Variants in FNBP1 observed in about 807,000 individuals in gnomAD.
The protein encoded by FNBP1 is formin binding protein 1, also known as formin-binding protein 1.
FNBP1 carries 26 observed loss-of-function variants against 90.6 expected under a neutral mutation model. That is an observed-to-expected ratio of 0.29 (90% CI 0.21 to 0.40). The LOEUF (loss-of-function observed/expected upper bound fraction) is 0.40, where lower values mean the gene tolerates loss of function less well. FNBP1 is among the 10% of genes least tolerant of loss of function. FNBP1 has a pLI of 1.00. For synonymous variants in FNBP1, 260 were observed against 265.2 expected (o/e 0.98, Z 0.19); for missense variants, 635 against 768.0 (o/e 0.83, Z 2.05).
intron 11 of FNBP1, among the ~76,000 whole-genome samples, chr9:129,909,686 C>T (rs555755079): frequency 2.0e-5 from 3 of 152,016 alleles, no homozygotes; most frequent in East Asian, 1.9e-4. Flanking sequence ...TGCAGTGGTG[C>T]GATCTCAGCT....
intron 1 of FNBP1, among the ~76,000 whole-genome samples, chr9:130,038,066 T>C (rs1427361879): frequency 1.3e-5 from 2 of 152,144 alleles, no homozygotes; most frequent in South Asian, 2.1e-4. Flanking sequence ...AAAAATTACA[T>C]ACAGTCGGCC....
chr9:129,916,037 A>C, intron 10 of FNBP1, 57 bp from the exon 11 acceptor site: 1 of 1,310,144 alleles, frequency 7.6e-7, no homozygotes, highest in Non-Finnish European at 1.1e-6. Context: ...AGAGAGAAAG[A>C]GAAAAAAAAA....
chr9:129,978,752 C>T (rs1032704707), intron 3 of FNBP1, 140 bp from the exon 4 acceptor site: 9 of 776,592 alleles, frequency 1.2e-5, no homozygotes, highest in Middle Eastern at 5.0e-4. Context: ...CATTACACAT[C>T]AAGTGTTCTC....
the FNBP1 span, among the ~76,000 whole-genome samples, chr9:130,048,314 CA>C: frequency 0.013 from 680 of 50,522 alleles, no homozygotes; most frequent in East Asian, 0.019. Context: ...GACTCCATCT[CA>C]AAAAAAAAAA....
Position 129,979,305 on chromosome 9 carries a change from A to G in FNBP1, c.197+13T>C, listed in dbSNP as rs760030855. On this transcript the variant is annotated intron_variant, in intron 3 of 16. Transcript: ENST00000446176. ...TGTGTCTATTACAAGACAATTTTCA[A>G]TGGTAAACATACTTGTATTCTTCTT... is the stretch of plus-strand genomic sequence containing the variant. 6 of 1,553,668 alleles carry G rather than the reference A, an allele frequency of 3.9e-6. No individual in the cohort carries two copies. The highest frequency in any genetic ancestry group is 5.3e-6 in the Non-Finnish European group (6 of 1,127,504).
In FNBP1 at chr9:129,888,922, G is replaced by A. The variant is rs2034895656; in HGVS notation, c.*1617C>T. 8.6e-6 allele frequency: 2 copies of A among 231,814 alleles called. No homozygotes were observed. Among genetic ancestry groups the A allele is most frequent in the Non-Finnish European group, 8.5e-6 (1 of 117,312 alleles). 14.4% of individuals were successfully genotyped at this position (231,814 alleles called of 1,614,324 possible). A position where few individuals can be genotyped will look rare whatever the true frequency, so the allele number is the denominator to read the frequency against. On this transcript the variant is annotated 3_prime_UTR_variant, in exon 17 of 17. Transcript: ENST00000446176. ...GCAAGAGGAACTGAGGATGCTTGAGGGGACCACCTAGTTACCAAAGCCAAG... is the reference window on the plus strand; with the variant it reads ...GCAAGAGGAACTGAGGATGCTTGAGAGGACCACCTAGTTACCAAAGCCAAG...
intron 12 of FNBP1, among the ~76,000 whole-genome samples, chr9:129,907,378 A>G (rs1447382026): frequency 6.6e-6 from 1 of 152,224 alleles, no homozygotes; most frequent in African/African-American, 2.4e-5. Flanking sequence ...CACGGTTCCA[A>G]GCATGTTATG....
In FNBP1 at chr9:129,887,210, A is replaced by G. The variant is rs2034807676; in HGVS notation, c.*3329T>C. 1 of 180,182 alleles carries G rather than the reference A, an allele frequency of 5.5e-6. No individual in the cohort carries two copies. The allele number at this position is 180,182 out of a possible 1,614,324, so 11.2% of individuals were successfully genotyped here. ...GCCACAAGTTATATTTTATTTTAAC[A>G]CGAGATTAACATATAGTTACAAGGT... On this transcript the variant is annotated 3_prime_UTR_variant, in exon 17 of 17. Transcript: ENST00000446176.
At chr9:129,908,749 C>T in intron 12 of FNBP1, 141 bp downstream of exon 12, 1 of 572,452 alleles carries the variant, frequency 1.7e-6, no homozygotes, top group South Asian at 2.0e-5. Context: ...GACGGGGTTT[C>T]ACCATGTAGG....
At position 130,043,018 on chromosome 9, in the gene FNBP1, C is replaced by T. The variant is rs2059981895; in HGVS notation, c.-43G>A. On this transcript the variant is annotated 5_prime_UTR_variant, in exon 1 of 17. Transcript: ENST00000446176. ...GGGGCGCTCCGCGCGGCGGGCGCGGCTCTCTGGTCCCCCTCCCCGGCGATC... is the reference window on the plus strand; with the variant it reads ...GGGGCGCTCCGCGCGGCGGGCGCGGTTCTCTGGTCCCCCTCCCCGGCGATC... The T allele has an allele frequency of 8.2e-7, 1 of 1,224,130 alleles. No individual in the cohort carries two copies. The highest frequency in any genetic ancestry group is 1.0e-6 in the Non-Finnish European group (1 of 982,796). 75.8% of individuals were successfully genotyped at this position (1,224,130 alleles called of 1,614,324 possible). A position where few individuals can be genotyped will look rare whatever the true frequency, so the allele number is the denominator to read the frequency against.
intron 6 of FNBP1, among the ~76,000 whole-genome samples, chr9:129,931,975 G>T (rs1035994761): frequency 1.4e-4 from 22 of 152,134 alleles, no homozygotes; most frequent in African/African-American, 5.1e-4. Context: ...CACTTTGGGA[G>T]GCTGAGGCGG....
chr9:129,896,388 G>T (rs1181157391), intron 15 of FNBP1, among the ~76,000 whole-genome samples: 1 of 151,954 alleles, frequency 6.6e-6, no homozygotes, highest in Admixed American at 6.6e-5. Flanking sequence ...GTTATTTTTT[G>T]GGGGGGTTGT....
chr9:129,998,196 G>GGA (rs1564535297), intron 1 of FNBP1, among the ~76,000 whole-genome samples: 5 of 33,748 alleles, frequency 1.5e-4, no homozygotes, highest in Non-Finnish European at 1.6e-4. Context: ...ACTCTGTCTC[G>GGA]AAAAAAAAAA....
intron 1 of FNBP1, among the ~76,000 whole-genome samples, chr9:130,038,092 C>T (rs10988574): frequency 6.6e-6 from 1 of 151,646 alleles, no homozygotes; most frequent in Non-Finnish European, 1.5e-5. Flanking sequence ...CGGTGGCTCA[C>T]GCCTGTAATC....
At chr9:130,009,371 G>T (rs1474133228) in intron 1 of FNBP1, among the ~76,000 whole-genome samples, 2 of 152,156 alleles carry the variant, frequency 1.3e-5, no homozygotes, top group Non-Finnish European at 2.9e-5. Context: ...GGTAAAAATT[G>T]CTAAGAGGGG....
chr9:130,025,741 C>G (rs545720336), intron 1 of FNBP1, among the ~76,000 whole-genome samples: 2 of 151,816 alleles, frequency 1.3e-5, no homozygotes, highest in Non-Finnish European at 2.9e-5. Context: ...CTGGCCAACA[C>G]GGTGAAACCC....
At chr9:129,913,624 A>G (rs1019903492) in intron 11 of FNBP1, among the ~76,000 whole-genome samples, 3 of 152,000 alleles carry the variant, frequency 2.0e-5, no homozygotes, top group Admixed American at 6.6e-5. Flanking sequence ...TACAAAAATT[A>G]GCTGGGTGTG....
rs1175447204 is a variant in FNBP1, at chr9:129,958,472, CTG to C, written c.408+17_408+18del. On this transcript the variant is annotated intron_variant, in intron 5 of 16. Coordinates refer to ENST00000446176, the MANE Select transcript of FNBP1 (RefSeq NM_015033.3). The stretch of plus-strand genomic sequence containing the variant: ...AAAATCTATAAAGCCGTTTCTTTTG[CTG>C]TGCATTGTTCACTTACAGATTCAAG... 1.3e-6 allele frequency: 2 copies of C among 1,569,180 alleles called. No homozygotes were observed. The highest frequency in any genetic ancestry group is 1.9e-5 in the Admixed American group (1 of 53,740).
chr9:129,997,701 T>C (rs1273037487), intron 1 of FNBP1, among the ~76,000 whole-genome samples: 1 of 152,128 alleles, frequency 6.6e-6, no homozygotes, highest in Non-Finnish European at 1.5e-5. Context: ...TTAACAATTA[T>C]CAGGGCATCA....
Sources: allele counts gnomAD v4.1 joint callset (sites outside exome capture counted in the v4.1 genomes callset), GRCh38; gene constraint gnomAD v4.1.1; transcripts MANE v1.5; gene names NCBI Gene and HGNC (gene_info 2026-07-23, HGNC 2026-07-21).